The following INSC variants were observed in gnomAD, a reference collection of about 807,000 sequenced individuals.
INSC encodes protein inscuteable homolog.
In INSC, 67 loss-of-function variants were observed where a neutral mutation model predicts 58.6. The ratio of observed to expected loss-of-function variants is 1.14; its 90% CI spans 0.94 to 1.40. The LOEUF (loss-of-function observed/expected upper bound fraction) is 1.40. INSC is among the 40% of genes most tolerant of loss of function. The pLI, the probability that INSC is intolerant of heterozygous loss-of-function variation, is 0.00. For synonymous variants in INSC, 262 were observed against 276.1 expected, an observed-to-expected ratio of 0.95 and a Z score of 0.51; for missense variants, 714 against 692.0, an observed-to-expected ratio of 1.03 and a Z score of -0.36.
intron 2 of INSC, among the ~76,000 whole-genome samples, chr11:15,173,604 G>A (rs1377774370): frequency 1.3e-5 from 2 of 151,934 alleles, no homozygotes; most frequent in Admixed American, 1.3e-4. Context: ...CTGTGTGTCT[G>A]TATACATATA....
intron 7 of INSC, among the ~76,000 whole-genome samples, chr11:15,205,487 C>T (rs1850759293): frequency 6.6e-6 from 1 of 152,278 alleles, no homozygotes; most frequent in Non-Finnish European, 1.5e-5. Context: ...TAATATGATG[C>T]TTGGCACAGA....
downstream of INSC, among the ~76,000 whole-genome samples, chr11:15,248,704 G>A (rs536601950): frequency 2.0e-5 from 3 of 152,312 alleles, no homozygotes; most frequent in East Asian, 1.9e-4. Context: ...AAGGAGAGTA[G>A]CTCTTCAGAT....
intron 9 of INSC, among the ~76,000 whole-genome samples, chr11:15,228,817 TG>T (rs1851738606): frequency 6.6e-6 from 1 of 152,146 alleles, no homozygotes; most frequent in Non-Finnish European, 1.5e-5. Context: ...GAAGCCTCGT[TG>T]GGTATGCCTA....
intron 1 of INSC, among the ~76,000 whole-genome samples, chr11:15,139,131 C>T (rs1207443734): frequency 6.6e-6 from 1 of 152,196 alleles, no homozygotes; most frequent in African/African-American, 2.4e-5. Flanking sequence ...CCCCTCCAAC[C>T]TGGGTCCTCA....
At chr11:15,216,048 T>A (rs937631189) in intron 7 of INSC, among the ~76,000 whole-genome samples, 1 of 151,946 alleles carries the variant, frequency 6.6e-6, no homozygotes, top group Non-Finnish European at 1.5e-5. Flanking sequence ...GAGGGCTAGG[T>A]TTAGGGGTCA....
chr11:15,153,456 C>G (rs564888032), intron 2 of INSC, among the ~76,000 whole-genome samples: 2 of 152,348 alleles, frequency 1.3e-5, no homozygotes, highest in South Asian at 4.1e-4. Context: ...ATGTGCACCT[C>G]TGTTCTGTGG....
chr11:15,215,802 T>G (rs1851194859), intron 7 of INSC, among the ~76,000 whole-genome samples: 1 of 152,074 alleles, frequency 6.6e-6, no homozygotes, highest in Non-Finnish European at 1.5e-5. Context: ...GATGTGGCAA[T>G]GGGGAGAACA....
chr11:15,251,296 T>C (rs904414023), downstream of INSC, among the ~76,000 whole-genome samples: 1 of 152,218 alleles, frequency 6.6e-6, no homozygotes, highest in African/African-American at 2.4e-5. Context: ...GCTAACACTA[T>C]ACAACTCTTC....
intron 2 of INSC, among the ~76,000 whole-genome samples, chr11:15,159,976 G>GT (rs1403979501): frequency 1.3e-5 from 2 of 152,214 alleles, no homozygotes; most frequent in Non-Finnish European, 2.9e-5. Context: ...ATGTAATTAA[G>GT]TTCCATACAT....
chr11:15,221,953 C>G (rs1589987428), intron 8 of INSC, among the ~76,000 whole-genome samples: 1 of 152,106 alleles, frequency 6.6e-6, no homozygotes, highest in East Asian at 1.9e-4. Context: ...GGAATGGGGC[C>G]TCAAATTTTG....
chr11:15,204,317 C>G (rs547898847), intron 7 of INSC, among the ~76,000 whole-genome samples: 1 of 152,368 alleles, frequency 6.6e-6, no homozygotes, highest in East Asian at 1.9e-4. Flanking sequence ...AATTCCAGCT[C>G]TGCTGGGCCA....
At chr11:15,202,282 C>T (rs936287982) in intron 7 of INSC, among the ~76,000 whole-genome samples, 1 of 152,076 alleles carries the variant, frequency 6.6e-6, no homozygotes, top group African/African-American at 2.4e-5. Flanking sequence ...TTGTGCTACT[C>T]ATTAGGTAGC....
intron 12 of INSC, among the ~76,000 whole-genome samples, chr11:15,243,272 T>C (rs1230269771): frequency 6.6e-6 from 1 of 152,188 alleles, no homozygotes; most frequent in Non-Finnish European, 1.5e-5. Context: ...CCATTCCTGC[T>C]CTTCCCCAAG....
At chr11:15,197,885 T>C (rs1850430618) in intron 6 of INSC, among the ~76,000 whole-genome samples, 1 of 152,232 alleles carries the variant, frequency 6.6e-6, no homozygotes, top group Admixed American at 6.5e-5. Context: ...GAATAATTCA[T>C]ACTGTTATGT....
At chr11:15,238,122 G>A (rs1852200829) in intron 10 of INSC, among the ~76,000 whole-genome samples, 1 of 152,004 alleles carries the variant, frequency 6.6e-6, no homozygotes, top group South Asian at 2.1e-4. Flanking sequence ...GCGTCAAGAG[G>A]GAAAATGGCA....
chr11:15,196,112 G>T (rs1006192431), intron 6 of INSC, among the ~76,000 whole-genome samples: 1 of 152,176 alleles, frequency 6.6e-6, no homozygotes, highest in Non-Finnish European at 1.5e-5. Flanking sequence ...ACCAGGAGTT[G>T]TTTAAAGATT....
At chr11:15,127,918 C>T (rs1308895195) in intron 1 of INSC, among the ~76,000 whole-genome samples, 1 of 151,922 alleles carries the variant, frequency 6.6e-6, no homozygotes, top group African/African-American at 2.4e-5. Context: ...TTGCTTGAAC[C>T]AGAGAGGCAG....
At chr11:15,218,656 G>T (rs1036803643) in intron 7 of INSC, among the ~76,000 whole-genome samples, 1 of 152,070 alleles carries the variant, frequency 6.6e-6, no homozygotes, top group Admixed American at 6.5e-5. Flanking sequence ...CAAACTACAA[G>T]GGAAGCAAGA....
intron 2 of INSC, among the ~76,000 whole-genome samples, chr11:15,162,817 A>G (rs932447615): frequency 1.3e-5 from 2 of 152,190 alleles, no homozygotes; most frequent in African/African-American, 2.4e-5. Context: ...AGTTTTTAGA[A>G]TAAAGTTCTA....
Sources: gnomAD v4.1 joint callset for allele counts (sites outside exome capture counted in the v4.1 genomes callset) on GRCh38, gnomAD v4.1.1 for gene constraint, MANE v1.5 for transcripts, NCBI Gene and HGNC (gene_info 2026-07-23, HGNC 2026-07-21) for gene names.